The following ZNF385D variants were observed in gnomAD, a reference collection of about 807,000 sequenced individuals.
The protein encoded by ZNF385D is zinc finger protein 385D.
ZNF385D carries 15 observed loss-of-function variants against 35.8 expected under a neutral mutation model. That is an observed-to-expected ratio of 0.42 (90% CI 0.28 to 0.64). ZNF385D has a LOEUF of 0.64. Ranked by LOEUF, ZNF385D falls within the 30% of genes least tolerant of loss-of-function variation. ZNF385D has a pLI of 0.23. For synonymous variants in ZNF385D, 212 were observed against 186.8 expected, an observed-to-expected ratio of 1.13 and a Z score of -1.10; for missense variants, 474 against 494.6, an observed-to-expected ratio of 0.96 and a Z score of 0.39.
At chr3:21,649,879 T>A (rs1330800799) in intron 2 of ZNF385D, among the ~76,000 whole-genome samples, 1 of 152,152 alleles carries the variant, frequency 6.6e-6, no homozygotes, top group Non-Finnish European at 1.5e-5. Context: ...TCTTTATAAA[T>A]TATAAGCTTT....
At chr3:21,766,076 G>C (rs1353047215) in intron 3 of ZNF385D, among the ~76,000 whole-genome samples, 1 of 152,070 alleles carries the variant, frequency 6.6e-6, no homozygotes, top group East Asian at 1.9e-4. Context: ...AGGAAAAAAG[G>C]AAAGTCAGTC....
chr3:22,352,602 G>C (rs1013343778), intron 2 of ZNF385D, among the ~76,000 whole-genome samples: 3 of 152,064 alleles, frequency 2.0e-5, no homozygotes, highest in African/African-American at 4.8e-5. Context: ...TGACCTTACT[G>C]AACACAGCAA....
intron 3 of ZNF385D, among the ~76,000 whole-genome samples, chr3:22,027,709 G>T (rs1365053591): frequency 1.3e-5 from 2 of 152,136 alleles, no homozygotes; most frequent in East Asian, 3.9e-4. Flanking sequence ...AATAGAAGTG[G>T]TATATACATA....
At chr3:21,925,090 C>T (rs13097724) in intron 3 of ZNF385D, among the ~76,000 whole-genome samples, 81,286 of 152,090 alleles carry the variant, frequency 0.53, 23,810 homozygotes, top group South Asian at 0.66. Flanking sequence ...AATTGATATA[C>T]AGATTTAATC....
At chr3:21,630,566 G>T (rs62237380) in intron 2 of ZNF385D, among the ~76,000 whole-genome samples, 430 of 152,058 alleles carry the variant, frequency 2.8e-3, no homozygotes, top group Non-Finnish European at 4.9e-3. Context: ...CCATTTCCCA[G>T]CACCATTAAC....
chr3:21,616,274 A>G (rs1448448460), intron 2 of ZNF385D, among the ~76,000 whole-genome samples: 1 of 152,198 alleles, frequency 6.6e-6, no homozygotes, highest in African/African-American at 2.4e-5. Context: ...GGGTGACTAC[A>G]ATGCATGCTA....
chr3:21,796,977 A>G (rs2072182286), intron 3 of ZNF385D, among the ~76,000 whole-genome samples: 1 of 152,196 alleles, frequency 6.6e-6, no homozygotes, highest in South Asian at 2.1e-4. Flanking sequence ...AGTGGGTGGC[A>G]TGATCCATGC....
At chr3:21,970,107 C>G (rs1703154581) in intron 3 of ZNF385D, among the ~76,000 whole-genome samples, 1 of 152,116 alleles carries the variant, frequency 6.6e-6, no homozygotes, top group South Asian at 2.1e-4. Flanking sequence ...AGGACAGGTA[C>G]AAACAAGCTG....
intron 2 of ZNF385D, among the ~76,000 whole-genome samples, chr3:22,210,003 AAT>A (rs778841315): frequency 2.0e-5 from 3 of 151,926 alleles, no homozygotes; most frequent in Non-Finnish European, 2.9e-5. Context: ...ATATTTAATT[AAT>A]AGTATTATAT....
intron 4 of ZNF385D, among the ~76,000 whole-genome samples, chr3:21,445,047 C>T (rs924849278): frequency 6.6e-6 from 1 of 152,154 alleles, no homozygotes; most frequent in South Asian, 2.1e-4. Flanking sequence ...AGTCTTGACA[C>T]GAATTGTCCA....
In ZNF385D at chr3:21,558,252, G is replaced by A. The variant is rs186784663; in HGVS notation, c.276+6322C>T. 4.6e-5 allele frequency among the ~76,000 whole-genome samples: 7 copies of A among 151,870 alleles called. No homozygotes were observed. In the East Asian group the frequency reaches 7.8e-4, roughly 17 times the overall value. The stretch of plus-strand genomic sequence containing the variant: ...GTTCTTTTAATTGTGATGTTAGGGT[G>A]TCGATTTTAGATCTTTCTTGCTTTC... On this transcript the variant is annotated intron_variant, in intron 3 of 7. Transcript: ENST00000281523.
chr3:21,947,807 T>C (rs986592397), intron 3 of ZNF385D, among the ~76,000 whole-genome samples: 1 of 152,216 alleles, frequency 6.6e-6, no homozygotes, highest in Non-Finnish European at 1.5e-5. Flanking sequence ...ATTGGTGTTA[T>C]GCTTAGAAAG....
chr3:22,047,434 T>A (rs1032865009), intron 3 of ZNF385D, among the ~76,000 whole-genome samples: 5 of 152,134 alleles, frequency 3.3e-5, no homozygotes, highest in African/African-American at 1.2e-4. Flanking sequence ...GTAACCACTA[T>A]TGTACTTTCT....
At chr3:22,126,237 C>T (rs1223735861) in intron 3 of ZNF385D, among the ~76,000 whole-genome samples, 2 of 150,704 alleles carry the variant, frequency 1.3e-5, no homozygotes, top group Non-Finnish European at 3.0e-5. Context: ...TATATTGAGC[C>T]ATCCTTGATC....
At chr3:22,349,503 C>A (rs944901980) in intron 2 of ZNF385D, among the ~76,000 whole-genome samples, 1 of 152,108 alleles carries the variant, frequency 6.6e-6, no homozygotes, top group Non-Finnish European at 1.5e-5. Flanking sequence ...CTACCTCACA[C>A]GTACTGAACA....
At chr3:21,930,056 A>G (rs1309852627) in intron 3 of ZNF385D, among the ~76,000 whole-genome samples, 1 of 152,108 alleles carries the variant, frequency 6.6e-6, no homozygotes, top group Non-Finnish European at 1.5e-5. Context: ...CTACAAAGCT[A>G]CAATAATCAA....
intron 3 of ZNF385D, among the ~76,000 whole-genome samples, chr3:22,039,327 G>A (rs711688): frequency 1.3e-5 from 2 of 149,840 alleles, no homozygotes; most frequent in African/African-American, 4.9e-5. Context: ...GCTATTCCCA[G>A]AAAATGTCAA....
intron 3 of ZNF385D, among the ~76,000 whole-genome samples, chr3:22,145,205 A>G (rs556562603): frequency 1.3e-5 from 2 of 152,166 alleles, no homozygotes; most frequent in Non-Finnish European, 2.9e-5. Flanking sequence ...TTCTTTATGG[A>G]TATGTTCTCT....
At chr3:22,137,757 C>A (rs1284641660) in intron 3 of ZNF385D, among the ~76,000 whole-genome samples, 2 of 152,170 alleles carry the variant, frequency 1.3e-5, no homozygotes, top group East Asian at 1.9e-4. Flanking sequence ...TGAAAACTGG[C>A]ACAAGACAGG....
Sources: gnomAD v4.1 joint callset for allele counts (sites outside exome capture counted in the v4.1 genomes callset) on GRCh38, gnomAD v4.1.1 for gene constraint, MANE v1.5 for transcripts, NCBI Gene and HGNC (gene_info 2026-07-23, HGNC 2026-07-21) for gene names.